ADGRF1: variants seen among roughly 807,000 people sequenced by gnomAD.
ADGRF1 encodes the protein adhesion G protein-coupled receptor F1.
Under a neutral mutation model 87.2 loss-of-function variants are expected in ADGRF1, and 85 were observed. The ratio of observed to expected loss-of-function variants is 0.97; its 90% CI spans 0.82 to 1.17. The LOEUF (loss-of-function observed/expected upper bound fraction) is 1.17, where lower values mean the gene tolerates loss of function less well. Among genes scored for constraint, ADGRF1 ranks in the 50% most tolerant of loss-of-function variants. The probability of loss-of-function intolerance (pLI) is 0.00; values close to 1 mark genes in which losing one functional copy is unlikely to be tolerated. For synonymous variants in ADGRF1, 430 were observed against 408.8 expected (o/e 1.05, Z -0.63); for missense variants, 1,169 against 1,077.2 (o/e 1.09, Z -1.19).
intron 1 of ADGRF1, among the ~76,000 whole-genome samples, chr6:47,035,115 G>A (rs1780550241): frequency 6.6e-6 from 1 of 152,174 alleles, no homozygotes; most frequent in Non-Finnish European, 1.5e-5. Flanking sequence ...ACTGTAAAAG[G>A]CTTAGCTGCA....
Position 47,009,182 on chromosome 6 carries a change from T to C in ADGRF1, c.2253A>G (p.Ala751=), listed in dbSNP as rs1168860268. 6.2e-7 allele frequency: 1 copy of C among 1,614,184 alleles called. No homozygotes were observed. The highest frequency in any genetic ancestry group is 1.1e-5 in the South Asian group (1 of 91,086). Residue 751 remains alanine (A), a synonymous_variant, in exon 11 of 15, where the codon GCA becomes GCG. Coordinates refer to ENST00000371253, the MANE Select transcript of ADGRF1 (RefSeq NM_153840.4). ...SKPLLAFVVP[A]LAIVAVNFVV... ...CGAAGTTCACAGCCACAATAGCCAG[T>C]GCAGGGACAACAAAAGCCAGGAGTG...
At position 47,007,300 on chromosome 6, in the gene ADGRF1, A is replaced by G. The variant is rs756984542; in HGVS notation, c.2491-6T>C. On this transcript the variant is annotated splice_polypyrimidine_tract_variant and splice_region_variant and intron_variant, in intron 11 of 14. Coordinates refer to ENST00000371253, the MANE Select transcript of ADGRF1 (RefSeq NM_153840.4). The stretch of plus-strand genomic sequence containing the variant: ...AAGCATAAGATAAAAAATCCCTTTA[A>G]AAAGAAAGGAATAAATCACATGTAT... The G allele has an allele frequency of 1.4e-6, 2 of 1,478,516 alleles. No individual in the cohort carries two copies. Among genetic ancestry groups the G allele is most frequent in the Non-Finnish European group, 1.9e-6 (2 of 1,059,184 alleles). 91.6% of individuals were successfully genotyped at this position (1,478,516 alleles called of 1,614,324 possible).
In ADGRF1 at chr6:47,014,328, C is replaced by A. The variant is rs892255855; in HGVS notation, c.927+353G>T. On this transcript the variant is annotated intron_variant, in intron 9 of 14. Coordinates refer to ENST00000371253, the MANE Select transcript of ADGRF1 (RefSeq NM_153840.4). The stretch of plus-strand genomic sequence containing the variant: ...ACTAAGCCTGCTGGCTTATGACTCA[C>A]ACCTTCACTCTTCTCTTTAATTCCC... 38 of 1,021,156 alleles carry A rather than the reference C, an allele frequency of 3.7e-5. No homozygotes were observed. In the African/African-American group the frequency reaches 6.1e-4, roughly 17 times the overall value. 63.3% of individuals were successfully genotyped at this position (1,021,156 alleles called of 1,614,324 possible). A position where few individuals can be genotyped will look rare whatever the true frequency, so the allele number is the denominator to read the frequency against.
At chr6:47,015,884 C>CA (rs1422777182) in intron 8 of ADGRF1, among the ~76,000 whole-genome samples, 1 of 152,014 alleles carries the variant, frequency 6.6e-6, no homozygotes, top group African/African-American at 2.4e-5. Context: ...AGGCTTTAGC[C>CA]ACTGCACTGG....
rs1780283511 is a variant in ADGRF1 at position 47,027,756 on chromosome 6, A to C, written c.75T>G (p.Asn25Lys). ...GTTCTTTTTTTGTTTTGATGCCATCATTTTTCTGTTAAAAAGAAAAAAAAT... is the reference window on the plus strand; with the variant it reads ...GTTCTTTTTTTGTTTTGATGCCATCCTTTTTCTGTTAAAAAGAAAAAAAAT... ...TDGHGGFLGKNDGIKTKKELI... is the reference protein window; with the variant it reads ...TDGHGGFLGKKDGIKTKKELI... The change falls in exon 3 of 15, where the codon AAT becomes AAG. Residue 25 changes from asparagine (N) to lysine (K), a missense_variant. Physicochemically the swap from Asn to Lys is moderately conservative, Grantham distance 94 (BLOSUM62 0). Coordinates refer to ENST00000371253, the MANE Select transcript of ADGRF1 (RefSeq NM_153840.4). The C allele has an allele frequency of 1.3e-6, 2 of 1,564,010 alleles. No homozygotes were observed. Among genetic ancestry groups the C allele is most frequent in the African/African-American group, 2.8e-5 (2 of 72,120 alleles).
intron 7 of ADGRF1, chr6:47,020,418 C>T: frequency 2.1e-6 from 2 of 968,610 alleles, no homozygotes; most frequent in Non-Finnish European, 3.0e-6. Flanking sequence ...ATCTCTTGAA[C>T]CCGGTAGGCA....
At chr6:47,005,179 T>A (rs1288568915) in intron 13 of ADGRF1, among the ~76,000 whole-genome samples, 1 of 152,126 alleles carries the variant, frequency 6.6e-6, no homozygotes, top group Admixed American at 6.5e-5. Context: ...AAACACAAAA[T>A]ATGTGTTCAA....
chr6:47,035,600 A>G (rs921877474), intron 1 of ADGRF1, among the ~76,000 whole-genome samples: 7 of 152,344 alleles, frequency 4.6e-5, no homozygotes, highest in South Asian at 2.1e-4. Context: ...AATTCTAAAT[A>G]CAACGAATTT....
chr6:47,033,976 C>A (rs1312078134), intron 1 of ADGRF1, among the ~76,000 whole-genome samples: 2 of 152,172 alleles, frequency 1.3e-5, no homozygotes, highest in Non-Finnish European at 2.9e-5. Flanking sequence ...CATTTAAAAT[C>A]TCAGGGAAGG....
At chr6:47,032,436 T>A (rs1780455982) in intron 1 of ADGRF1, among the ~76,000 whole-genome samples, 1 of 152,244 alleles carries the variant, frequency 6.6e-6, no homozygotes, top group Non-Finnish European at 1.5e-5. Flanking sequence ...ACATTATTTG[T>A]TGTCTAAAAT....
Position 47,019,127 on chromosome 6 carries a change from C to A in ADGRF1, c.611+1604G>T, listed in dbSNP as rs1005258026. 4.3e-5 allele frequency: 12 copies of A among 278,078 alleles called. No individual in the cohort carries two copies. The South Asian group carries it at 1.2e-3, about 29-fold the overall frequency. The allele number at this position is 278,078 out of a possible 1,614,324, so 17.2% of individuals were successfully genotyped here. A position where few individuals can be genotyped will look rare whatever the true frequency, so the allele number is the denominator to read the frequency against. ...AAAGTTGTAGTTTATAGACTTGTGC[C>A]TACTTTTACTGTGATTTGGTCTGCA... On this transcript the variant is annotated intron_variant, in intron 7 of 14. Coordinates refer to ENST00000371253, the MANE Select transcript of ADGRF1 (RefSeq NM_153840.4).
chr6:47,041,944 T>C (rs1780751984), intron 1 of ADGRF1, among the ~76,000 whole-genome samples: 1 of 152,076 alleles, frequency 6.6e-6, no homozygotes, highest in Non-Finnish European at 1.5e-5. Flanking sequence ...GAGTGTGCTT[T>C]CAGTCAGAAA....
Position 47,014,707 on chromosome 6 carries a change from G to A in ADGRF1, c.901C>T (p.Leu301Phe), listed in dbSNP as rs938236072. Residue 301 changes from leucine to phenylalanine, a missense_variant, in exon 9 of 15, where the codon CTC (leucine) becomes TTC (phenylalanine). Transcript: ENST00000371253. ...GWQVIRETCV[L>F]SLLEELNKNF... is the part of the protein sequence containing the mutation. Reference sequence around the variant, plus strand: ...TTGTTCAGTTCTTCAAGCAGAGAGAGCACACAAGTCTCCCTGATGACCTGC... The same window carrying A: ...TTGTTCAGTTCTTCAAGCAGAGAGAACACACAAGTCTCCCTGATGACCTGC... 1.9e-6 allele frequency: 3 copies of A among 1,613,540 alleles called. No individual in the cohort carries two copies.
Position 47,019,943 on chromosome 6 carries a change from T to C in ADGRF1, c.611+788A>G, listed in dbSNP as rs1187190352. ...ACAATGACTACTGGGTTTTGAACTATGATGTATACATGTTATCTGTGCAAA... is the reference window on the plus strand; with the variant it reads ...ACAATGACTACTGGGTTTTGAACTACGATGTATACATGTTATCTGTGCAAA... On this transcript the variant is annotated intron_variant, in intron 7 of 14. Transcript: ENST00000371253. 4.1e-6 allele frequency: 4 copies of C among 985,844 alleles called. No individual in the cohort carries two copies. The South Asian group carries it at 1.4e-4, about 35-fold the overall frequency. 61.1% of individuals were successfully genotyped at this position (985,844 alleles called of 1,614,324 possible).
At position 47,026,020 on chromosome 6, in the gene ADGRF1, A is replaced by G. The variant is rs775058263; in HGVS notation, c.128-17T>C. 1.9e-6 allele frequency: 3 copies of G among 1,551,050 alleles called. No homozygotes were observed. Among genetic ancestry groups the G allele is most frequent in the Non-Finnish European group, 2.6e-6 (3 of 1,148,090 alleles). ...CGACTGGGCCTAAAGAGAGAAAGAG[A>G]GTCAGAAACCTTTTTTTCTGTCCTT... On this transcript the variant is annotated splice_polypyrimidine_tract_variant and intron_variant, in intron 3 of 14. Transcript: ENST00000371253.
rs1779652091 is a variant in ADGRF1, at chr6:47,009,869, A to G, written c.1566T>C (p.Phe522=). 5.6e-6 allele frequency: 9 copies of G among 1,614,070 alleles called. No homozygotes were observed. The highest frequency in any genetic ancestry group is 7.6e-6 in the Non-Finnish European group (9 of 1,179,912). ...GGCTCAGGTTTGACTCTATCTTGGAAAAAAATAGGAAAACTTCATTTATGG... is the reference window on the plus strand; with the variant it reads ...GGCTCAGGTTTGACTCTATCTTGGAGAAAAATAGGAAAACTTCATTTATGG... The part of the protein sequence containing the change: ...NYSINEVFLF[F]SKIESNLSQP... The change falls in exon 11 of 15, where the codon TTT becomes TTC. Residue 522 remains phenylalanine, a synonymous_variant. Transcript: ENST00000371253.
chr6:47,016,851 A>T, intron 7 of ADGRF1, 83 bp from the exon 8 acceptor site: 1 of 1,435,014 alleles, frequency 7.0e-7, no homozygotes, highest in South Asian at 1.7e-5. Flanking sequence ...TGTACATGCC[A>T]TGGGGTCCAT....
At chr6:47,025,725 T>C in intron 4 of ADGRF1, 129 bp downstream of exon 4, 2 of 878,312 alleles carry the variant, frequency 2.3e-6, no homozygotes, top group Non-Finnish European at 3.4e-6. Flanking sequence ...ATGAAGAAGA[T>C]ATAAAGCATT....
chr6:47,003,274 CTAGCA>C (rs1779413480), intron 13 of ADGRF1, among the ~76,000 whole-genome samples: 1 of 152,160 alleles, frequency 6.6e-6, no homozygotes, highest in African/African-American at 2.4e-5. Flanking sequence ...CAACCAAACT[CTAGCA>C]TAGCATCATG....
Sources: gnomAD v4.1 joint callset for allele counts (sites outside exome capture counted in the v4.1 genomes callset) on GRCh38, gnomAD v4.1.1 for gene constraint, MANE v1.5 for transcripts, NCBI Gene and HGNC (gene_info 2026-07-23, HGNC 2026-07-21) for gene names.